The following TSHR variants were observed in gnomAD, a reference collection of about 807,000 sequenced individuals.
TSHR encodes thyrotropin receptor.
A neutral mutation model predicts 64.1 loss-of-function variants in TSHR; 51 were observed. That is an observed-to-expected ratio of 0.80 (90% CI 0.64 to 1.01). TSHR has a LOEUF of 1.01. Among genes scored for constraint, TSHR ranks in the 50% least tolerant of loss-of-function variants. The pLI is 0.00. For synonymous variants in TSHR, 361 were observed against 361.9 expected, an observed-to-expected ratio of 1.00 and a Z score of 0.03; for missense variants, 877 against 942.8, an observed-to-expected ratio of 0.93 and a Z score of 0.91.
intron 1 of TSHR, among the ~76,000 whole-genome samples, chr14:81,031,290 A>G (rs12147797): frequency 6.6e-6 from 1 of 152,024 alleles, no homozygotes; most frequent in Non-Finnish European, 1.5e-5. Flanking sequence ...AGTCATACAT[A>G]TGAAGGAACT....
At position 81,144,379 on chromosome 14, in the gene TSHR, T is replaced by G. The variant is rs780644742; in HGVS notation, c.*26T>G. On this transcript the variant is annotated 3_prime_UTR_variant, in exon 10 of 10. Coordinates refer to ENST00000298171, the MANE Select transcript of TSHR (RefSeq NM_000369.5). ...GTTAACACTACACTACTCACAATGG[T>G]AGGGGAACTTACAAAATAATAGTTT... 1 of 1,607,754 alleles carries G rather than the reference T, an allele frequency of 6.2e-7. No homozygotes were observed. Among genetic ancestry groups the G allele is most frequent in the Non-Finnish European group, 8.5e-7 (1 of 1,174,802 alleles).
At chr14:81,042,464 A>C (rs1884968348) in intron 1 of TSHR, among the ~76,000 whole-genome samples, 2 of 152,208 alleles carry the variant, frequency 1.3e-5, no homozygotes, top group Non-Finnish European at 2.9e-5. Flanking sequence ...ATAAAAAATG[A>C]AGGAAATCTT....
intron 1 of TSHR, among the ~76,000 whole-genome samples, chr14:81,025,068 G>A (rs7159278): frequency 0.041 from 6,297 of 152,252 alleles, 420 homozygotes; most frequent in African/African-American, 0.14. Context: ...CATTTTTGCA[G>A]TAATACAGTA....
In TSHR at chr14:81,143,546, G is replaced by A. The variant is rs779531801; in HGVS notation, c.1488G>A (p.Thr496=). The change falls in exon 10 of 10, where the codon ACG becomes ACA. Residue 496 remains threonine (T), a synonymous_variant. Coordinates refer to ENST00000298171, the MANE Select transcript of TSHR (RefSeq NM_000369.5). ...IDWQTGPGCN[T]AGFFTVFASE... is the part of the protein sequence containing the mutation. ...GGCAGACAGGCCCTGGGTGCAACACGGCTGGTTTCTTCACTGTCTTTGCAA... is the reference window on the plus strand; with the variant it reads ...GGCAGACAGGCCCTGGGTGCAACACAGCTGGTTTCTTCACTGTCTTTGCAA... The A allele has an allele frequency of 1.2e-5, 20 of 1,613,214 alleles. No individual in the cohort carries two copies. Among genetic ancestry groups the A allele is most frequent in the East Asian group, 4.5e-5 (2 of 44,872 alleles).
At chr14:80,999,398 T>C (rs1441022719) in intron 1 of TSHR, among the ~76,000 whole-genome samples, 1 of 152,200 alleles carries the variant, frequency 6.6e-6, no homozygotes, top group Non-Finnish European at 1.5e-5. Context: ...TTCCAGGTTT[T>C]TCCTCCATTC....
chr14:81,015,534 T>A (rs1436958317), intron 1 of TSHR, among the ~76,000 whole-genome samples: 1 of 152,184 alleles, frequency 6.6e-6, no homozygotes, highest in Non-Finnish European at 1.5e-5. Flanking sequence ...GTATTTATGG[T>A]GTACAACGTG....
At chr14:81,087,450 G>A (rs961525118) in intron 3 of TSHR, 7 of 188,796 alleles carry the variant, frequency 3.7e-5, no homozygotes, top group Non-Finnish European at 7.7e-5. Flanking sequence ...AAACCCAAGT[G>A]AACTGTGAAG....
chr14:81,038,009 C>T (rs972560973), intron 1 of TSHR, among the ~76,000 whole-genome samples: 5 of 151,628 alleles, frequency 3.3e-5, no homozygotes, highest in African/African-American at 1.2e-4. Context: ...ACATTTCACC[C>T]ACCAGCAACC....
intron 1 of TSHR, among the ~76,000 whole-genome samples, chr14:80,960,443 A>T (rs1351462800): frequency 6.6e-6 from 1 of 152,218 alleles, no homozygotes; most frequent in African/African-American, 2.4e-5. Context: ...GGCTCTGTGA[A>T]TTATTCTTTT....
At position 80,972,811 on chromosome 14, in the gene TSHR, C is replaced by T. The variant is rs77603141; in HGVS notation, c.170+16961C>T. On this transcript the variant is annotated intron_variant, in intron 1 of 9. Transcript: ENST00000298171. The stretch of plus-strand genomic sequence containing the variant: ...CCCTGGAAACCAGGAATCTGCTCTC[C>T]GTCCACATGGGTCTACCTATTCTGG... Among the ~76,000 whole-genome samples the T allele has an allele frequency of 7.0e-3, 1,062 of 152,302 alleles. 18 individuals are homozygous for T. Among genetic ancestry groups the T allele is most frequent in the African/African-American group, 0.024 (991 of 41,550 alleles).
At chr14:81,089,694 T>C (rs1489908523) in intron 4 of TSHR, among the ~76,000 whole-genome samples, 1 of 152,198 alleles carries the variant, frequency 6.6e-6, no homozygotes, top group Non-Finnish European at 1.5e-5. Context: ...TTTTGAAGAA[T>C]AGAAAGATCT....
At chr14:81,071,494 G>T (rs887635496) in intron 3 of TSHR, among the ~76,000 whole-genome samples, 1 of 151,804 alleles carries the variant, frequency 6.6e-6, no homozygotes, top group Admixed American at 6.6e-5. Context: ...TTTCTTTTGG[G>T]ACATCTTCAT....
At position 81,144,422 on chromosome 14, in the gene TSHR, A is replaced by G. The variant is rs1891852910; in HGVS notation, c.*69A>G. 6.7e-7 allele frequency: 1 copy of G among 1,489,438 alleles called. No homozygotes were observed. Among genetic ancestry groups the G allele is most frequent in the Non-Finnish European group, 9.3e-7 (1 of 1,075,546 alleles). The allele number at this position is 1,489,438 out of a possible 1,614,324, so 92.3% of individuals were successfully genotyped here. A position where few individuals can be genotyped will look rare whatever the true frequency, so the allele number is the denominator to read the frequency against. On this transcript the variant is annotated 3_prime_UTR_variant, in exon 10 of 10. Transcript: ENST00000298171. ...AATAGTTTCTTGAATATGCATTCCA[A>G]TCCCATGACACCCCCAACACATAGC... is the stretch of plus-strand genomic sequence containing the variant.
chr14:81,045,511 A>G (rs1351672118), intron 1 of TSHR, among the ~76,000 whole-genome samples: 2 of 152,160 alleles, frequency 1.3e-5, no homozygotes, highest in Non-Finnish European at 2.9e-5. Context: ...TATTAAGCCC[A>G]GCATCAATTA....
intron 1 of TSHR, chr14:80,983,048 C>G (rs1888253040): frequency 1.8e-6 from 1 of 547,008 alleles, no homozygotes; most frequent in African/African-American, 1.9e-5. Flanking sequence ...AACGTTCACC[C>G]ATTTGCCCAA....
At chr14:81,062,735 A>G (rs936125119) in intron 2 of TSHR, among the ~76,000 whole-genome samples, 1 of 152,204 alleles carries the variant, frequency 6.6e-6, no homozygotes, top group African/African-American at 2.4e-5. Context: ...CACTTACAGT[A>G]AGGAGAAAAG....
intron 8 of TSHR, among the ~76,000 whole-genome samples, chr14:81,120,983 A>G (rs1890765701): frequency 6.6e-6 from 1 of 152,146 alleles, no homozygotes; most frequent in Admixed American, 6.5e-5. Context: ...GGCACTCAGT[A>G]GAGACAGCAA....
chr14:81,079,933 T>G (rs1364089093), intron 3 of TSHR, among the ~76,000 whole-genome samples: 1 of 82,000 alleles, frequency 1.2e-5, no homozygotes, highest in Non-Finnish European at 2.5e-5. Context: ...TGTGAGTTTT[T>G]GGGTTTTGTT....
intron 1 of TSHR, among the ~76,000 whole-genome samples, chr14:80,983,854 T>G (rs1469789398): frequency 6.6e-6 from 1 of 152,262 alleles, no homozygotes; most frequent in African/African-American, 2.4e-5. Flanking sequence ...TTTGTTGATT[T>G]TTTTCTTGTT....
Sources: allele counts gnomAD v4.1 joint callset (sites outside exome capture counted in the v4.1 genomes callset), GRCh38; gene constraint gnomAD v4.1.1; transcripts MANE v1.5; gene names NCBI Gene and HGNC (gene_info 2026-07-23, HGNC 2026-07-21).